Variants in INCENP observed in about 807,000 individuals in gnomAD.
INCENP encodes the protein inner centromere protein.
Under a neutral mutation model 107.3 loss-of-function variants are expected in INCENP, and 43 were observed. The ratio of observed to expected loss-of-function variants is 0.40; its 90% CI spans 0.31 to 0.52. The LOEUF (loss-of-function observed/expected upper bound fraction) is 0.52. Among genes scored for constraint, INCENP ranks in the 20% least tolerant of loss-of-function variants. The probability of loss-of-function intolerance (pLI) is 0.53; values close to 1 mark genes in which losing one functional copy is unlikely to be tolerated. For missense variants in INCENP, 1,089 were observed against 1,250.9 expected, an observed-to-expected ratio of 0.87 and a Z score of 1.95; for synonymous variants, 488 against 494.4, an observed-to-expected ratio of 0.99 and a Z score of 0.17.
Position 62,128,171 on chromosome 11 carries a change from A to G in INCENP, c.10A>G (p.Thr4Ala), listed in dbSNP as rs1197883172. 2 of 1,614,156 alleles carry G rather than the reference A, an allele frequency of 1.2e-6. No homozygotes were observed. The highest frequency in any genetic ancestry group is 2.2e-5 in the South Asian group (2 of 91,088). Residue 4 changes from threonine to alanine, a missense_variant, in exon 2 of 19, where the codon ACG (threonine) becomes GCG (alanine). Transcript: ENST00000394818. The part of the protein sequence containing the change: MGT[T>A]APGPIHLLEL... Reference sequence around the variant, plus strand: ...ACCAGACAGAGCCACCATGGGGACGACGGCCCCAGGGCCCATTCACCTGCT... The same window carrying G: ...ACCAGACAGAGCCACCATGGGGACGGCGGCCCCAGGGCCCATTCACCTGCT...
chr11:62,142,335 A>G (rs1199713500), intron 11 of INCENP, among the ~76,000 whole-genome samples: 1 of 152,244 alleles, frequency 6.6e-6, no homozygotes, highest in African/African-American at 2.4e-5. Context: ...GCTTCTCCGC[A>G]TGGAGGCCTG....
intron 4 of INCENP, among the ~76,000 whole-genome samples, chr11:62,132,626 G>A (rs1943915152): frequency 6.6e-6 from 1 of 152,236 alleles, no homozygotes; most frequent in Non-Finnish European, 1.5e-5. Flanking sequence ...GGGCCAGGCA[G>A]GGTTGCAGAG....
At chr11:62,145,514 TG>T in intron 13 of INCENP, 114 bp from the exon 14 acceptor site, 1 of 1,396,762 alleles carries the variant, frequency 7.2e-7, no homozygotes, top group Non-Finnish European at 9.6e-7. Flanking sequence ...CCCTGGGTGG[TG>T]GGAACAAGCC....
chr11:62,140,409 C>G (rs1352971219), intron 8 of INCENP, 124 bp downstream of exon 8: 2 of 910,248 alleles, frequency 2.2e-6, no homozygotes, highest in Non-Finnish European at 3.5e-6. Flanking sequence ...TGGGGTGTGG[C>G]CTGGTGTTGT....
intron 17 of INCENP, 47 bp downstream of exon 17, chr11:62,148,893 C>T (rs1944314663): frequency 1.6e-6 from 2 of 1,236,402 alleles, no homozygotes; most frequent in Non-Finnish European, 1.2e-6. Flanking sequence ...GAGGGGCCCA[C>T]TCTATTCTCT....
In INCENP at chr11:62,140,837, G is replaced by C. The variant is rs1411298979; in HGVS notation, c.1461+16G>C. The C allele has an allele frequency of 1.2e-6, 2 of 1,613,412 alleles. No homozygotes were observed. The highest frequency in any genetic ancestry group is 1.7e-5 in the Admixed American group (1 of 60,016). ...AGCCAGCAAGGTGAGCCAGGCACCT[G>C]CCCTCTCCTGGAGCCCTGACCCCCT... On this transcript the variant is annotated intron_variant, in intron 9 of 18. Coordinates refer to ENST00000394818, the MANE Select transcript of INCENP (RefSeq NM_001040694.2).
At chr11:62,148,423 G>T (rs1277441870) in intron 15 of INCENP, 53 bp from the exon 16 acceptor site, 10 of 1,525,898 alleles carry the variant, frequency 6.6e-6, no homozygotes, top group Non-Finnish European at 8.9e-6. Flanking sequence ...TGGGAACAGG[G>T]CTTGGGCTGG....
At chr11:62,149,952 G>A (rs1944337607) in intron 17 of INCENP, 105 bp from the exon 18 acceptor site, 2 of 1,128,638 alleles carry the variant, frequency 1.8e-6, no homozygotes, top group Non-Finnish European at 1.3e-6. Flanking sequence ...TGCACCTTTT[G>A]TTTCTCCTGT....
At chr11:62,126,054 C>A (rs1943741372) in intron 1 of INCENP, among the ~76,000 whole-genome samples, 4 of 152,220 alleles carry the variant, frequency 2.6e-5, no homozygotes, top group Admixed American at 2.6e-4. Flanking sequence ...GGAACAAAGA[C>A]TACTGTGTCC....
Position 62,145,722 on chromosome 11 carries a change from G to T in INCENP, c.1930G>T (p.Glu644Ter). The T allele has an allele frequency of 6.4e-7, 1 of 1,556,698 alleles. No homozygotes were observed. Among genetic ancestry groups the T allele is most frequent in the Non-Finnish European group, 8.7e-7 (1 of 1,150,240 alleles). ...EVEARRKQEE[E>*]ARRLRWLQQE... is the part of the protein sequence containing the mutation. ...GGAAGCACGCAGGAAGCAGGAAGAG[G>T]AGGCACGTAGGCTCAGGTGGCTGCA... The change falls in exon 14 of 19, where the codon GAG (glutamate) becomes TAG (stop). Residue 644 changes from glutamate to a stop codon, truncating the protein, a stop_gained. Transcript: ENST00000394818. LOFTEE classifies it high-confidence loss of function.
At chr11:62,129,204 C>G (rs76193688) in intron 3 of INCENP, among the ~76,000 whole-genome samples, 1 of 152,112 alleles carries the variant, frequency 6.6e-6, no homozygotes, top group Non-Finnish European at 1.5e-5. Flanking sequence ...GTGAGTGTGA[C>G]CAGGGGTGTA....
At chr11:62,146,571 G>C in intron 14 of INCENP, 87 bp from the exon 15 acceptor site, 1 of 1,515,176 alleles carries the variant, frequency 6.6e-7, no homozygotes, top group Non-Finnish European at 8.9e-7. Context: ...GATATGAGGG[G>C]CACCTGGGCT....
At chr11:62,136,259 GTGCAGCTGGCAGCTTAGAGACGAGCGC>G (rs1320104998) in intron 4 of INCENP, among the ~76,000 whole-genome samples, 4 of 152,222 alleles carry the variant, frequency 2.6e-5, no homozygotes, top group Admixed American at 1.3e-4. Context: ...AAAGTGGCTA[GTGCAGCTGGCAGCTTAGAGACGAGCGC>G]TTTTCACAGA....
At chr11:62,129,751 G>A (rs748644987) in intron 3 of INCENP, 31 bp from the exon 4 acceptor site, 111 of 1,572,480 alleles carry the variant, frequency 7.1e-5, no homozygotes, top group South Asian at 1.2e-4. Flanking sequence ...CCTGCTGCCC[G>A]TCTCAGCCTC....
Position 62,129,867 on chromosome 11 carries a change from G to T in INCENP, c.340G>T (p.Val114Phe), listed in dbSNP as rs1263848933. Residue 114 changes from valine (V) to phenylalanine (F), a missense_variant, in exon 4 of 19, where the codon GTC (valine) becomes TTC (phenylalanine). Transcript: ENST00000394818. ...KDSVEKLATV[V>F]GENGSVLRRV... ...CAGTGTAGAGAAGCTGGCTACAGTG[G>T]TCGGGGAGAACGGCTCCGTCCTGCG... 1 of 1,613,270 alleles carries T rather than the reference G, an allele frequency of 6.2e-7. No homozygotes were observed. Among genetic ancestry groups the T allele is most frequent in the Non-Finnish European group, 8.5e-7 (1 of 1,180,042 alleles).
chr11:62,141,730 G>T, intron 11 of INCENP: 1 of 643,252 alleles, frequency 1.6e-6, no homozygotes, highest in Non-Finnish European at 2.8e-6. Flanking sequence ...CCTTGACTCT[G>T]CTCTTAGGAG....
In INCENP at chr11:62,145,155, C is replaced by T. The variant is rs752229067; in HGVS notation, c.1716-14C>T. The T allele has an allele frequency of 1.2e-6, 2 of 1,614,166 alleles. No individual in the cohort carries two copies. The highest frequency in any genetic ancestry group is 1.7e-6 in the Non-Finnish European group (2 of 1,180,030). On this transcript the variant is annotated splice_polypyrimidine_tract_variant and intron_variant, in intron 12 of 18. Coordinates refer to ENST00000394818, the MANE Select transcript of INCENP (RefSeq NM_001040694.2). ...CCTTGGTGGGGCTCCCCATGACTAT[C>T]CTATGCCCCGCAGGAAGCGTGAGGA...
Position 62,130,307 on chromosome 11 carries a change from G to C in INCENP, c.780G>C (p.Ala260=), listed in dbSNP as rs141855515. 3.1e-6 allele frequency: 5 copies of C among 1,611,550 alleles called. No homozygotes were observed. Among genetic ancestry groups the C allele is most frequent in the Non-Finnish European group, 4.2e-6 (5 of 1,180,040 alleles). Residue 260 remains alanine, a synonymous_variant, in exon 4 of 19, where the codon GCG becomes GCC. Transcript: ENST00000394818. ...TGRSASKLRI[A]QVSPGPRDSP... Reference sequence around the variant, plus strand: ...GGTCTGCGTCTAAGCTCAGGATTGCGCAGGTCTCCCCTGGCCCACGGGACT... The same window carrying C: ...GGTCTGCGTCTAAGCTCAGGATTGCCCAGGTCTCCCCTGGCCCACGGGACT...
chr11:62,137,426 C>T (rs1485552057), intron 4 of INCENP, among the ~76,000 whole-genome samples: 2 of 152,232 alleles, frequency 1.3e-5, no homozygotes, highest in Non-Finnish European at 2.9e-5. Context: ...CCATTGGGGT[C>T]CTGGGGCCTG....
Sources: gnomAD v4.1 joint callset for allele counts (sites outside exome capture counted in the v4.1 genomes callset) on GRCh38, gnomAD v4.1.1 for gene constraint, MANE v1.5 for transcripts, NCBI Gene and HGNC (gene_info 2026-07-23, HGNC 2026-07-21) for gene names.